MACROD2: variants seen among roughly 807,000 people sequenced by gnomAD.
MACROD2 encodes the protein mono-ADP ribosylhydrolase 2, also known as ADP-ribose glycohydrolase MACROD2.
In MACROD2, 36 loss-of-function variants were observed where a neutral mutation model predicts 70.4. The observed-to-expected ratio is 0.51, with a 90% CI of 0.39 to 0.68. The LOEUF (loss-of-function observed/expected upper bound fraction) is 0.68. MACROD2 is among the 30% of genes least tolerant of loss of function. The pLI is 0.00. For synonymous variants in MACROD2, 172 were observed against 178.8 expected, an observed-to-expected ratio of 0.96 and a Z score of 0.30; for missense variants, 496 against 538.4, an observed-to-expected ratio of 0.92 and a Z score of 0.78.
At chr20:15,816,361 T>A (rs572333661) in intron 8 of MACROD2, among the ~76,000 whole-genome samples, 1 of 152,260 alleles carries the variant, frequency 6.6e-6, no homozygotes, top group South Asian at 2.1e-4. Context: ...TGTACTGGAA[T>A]CAGACTTTTT....
At chr20:15,317,250 A>T (rs2077820990) in intron 6 of MACROD2, among the ~76,000 whole-genome samples, 1 of 152,074 alleles carries the variant, frequency 6.6e-6, no homozygotes, top group East Asian at 1.9e-4. Flanking sequence ...CATCAGAGTA[A>T]ACCTGGAGGA....
At chr20:15,861,961 C>G (rs1027721476) in intron 8 of MACROD2, among the ~76,000 whole-genome samples, 6 of 152,112 alleles carry the variant, frequency 3.9e-5, no homozygotes, top group Non-Finnish European at 8.8e-5. Context: ...TTCCAGGACA[C>G]AAAATTAAGT....
intron 15 of MACROD2, among the ~76,000 whole-genome samples, chr20:16,010,580 A>T (rs2066850029): frequency 6.6e-6 from 1 of 152,220 alleles, no homozygotes; most frequent in Admixed American, 6.5e-5. Flanking sequence ...TTTGGGCTTT[A>T]TCCTCTTTAA....
intron 3 of MACROD2, among the ~76,000 whole-genome samples, chr20:14,263,952 A>G (rs1290698640): frequency 7.0e-6 from 1 of 143,802 alleles, no homozygotes; most frequent in Non-Finnish European, 1.5e-5. Context: ...AGCCTGGGTG[A>G]CAGAGCAAGA....
At chr20:14,444,054 CAATATGATT>C (rs2084156594) in intron 3 of MACROD2, among the ~76,000 whole-genome samples, 2 of 152,056 alleles carry the variant, frequency 1.3e-5, no homozygotes, top group East Asian at 1.9e-4. Context: ...CTAAAAACTA[CAATATGATT>C]AATATGATTT....
At chr20:15,929,209 T>C (rs2065536162) in intron 10 of MACROD2, among the ~76,000 whole-genome samples, 1 of 152,194 alleles carries the variant, frequency 6.6e-6, no homozygotes, top group Non-Finnish European at 1.5e-5. Context: ...TCAAACTTGC[T>C]CCATGTATCT....
intron 7 of MACROD2, among the ~76,000 whole-genome samples, chr20:15,473,470 C>G (rs2046984879): frequency 6.6e-6 from 1 of 152,174 alleles, no homozygotes; most frequent in South Asian, 2.1e-4. Flanking sequence ...GGGTGAATGT[C>G]TGACCCATTT....
chr20:15,256,118 A>C (rs1185260702), intron 6 of MACROD2, among the ~76,000 whole-genome samples: 1 of 152,136 alleles, frequency 6.6e-6, no homozygotes, highest in Non-Finnish European at 1.5e-5. Context: ...GGGAATCTTG[A>C]ATTTATAAAT....
chr20:15,694,609 G>A (rs1330696676), intron 8 of MACROD2, among the ~76,000 whole-genome samples: 1 of 151,820 alleles, frequency 6.6e-6, no homozygotes, highest in Non-Finnish European at 1.5e-5. Flanking sequence ...TGTAGATTCT[G>A]GATATTAGTC....
chr20:14,277,013 C>A (rs915501551), intron 3 of MACROD2, among the ~76,000 whole-genome samples: 12 of 152,166 alleles, frequency 7.9e-5, no homozygotes, highest in Non-Finnish European at 1.5e-4. Context: ...TTTACATACA[C>A]GTGTCAGAAG....
In MACROD2 at chr20:14,732,410, T is replaced by C. The variant is rs531478713; in HGVS notation, c.418+47451T>C. 6.2e-4 allele frequency among the ~76,000 whole-genome samples: 94 copies of C among 152,230 alleles called. 1 individual carries two copies. The highest frequency in any genetic ancestry group is 2.1e-3 in the African/African-American group (88 of 41,548). On this transcript the variant is annotated intron_variant, in intron 5 of 17. Transcript: ENST00000684519. The stretch of plus-strand genomic sequence containing the variant: ...TCAACCTTGAACTGTTGTTTTAGGA[T>C]AGACACCAATAAATATAAGGGGTCC...
chr20:15,684,833 G>A (rs936910904), intron 8 of MACROD2, among the ~76,000 whole-genome samples: 4 of 152,100 alleles, frequency 2.6e-5, no homozygotes, highest in Non-Finnish European at 4.4e-5. Context: ...AATTGAACAT[G>A]CATGTTTATA....
chr20:14,865,517 G>A (rs1406219158), intron 5 of MACROD2, among the ~76,000 whole-genome samples: 1 of 151,674 alleles, frequency 6.6e-6, no homozygotes, highest in South Asian at 2.1e-4. Context: ...AATACCAAAC[G>A]TTTCCTGGAG....
intron 10 of MACROD2, among the ~76,000 whole-genome samples, chr20:15,886,200 C>G (rs1243897675): frequency 6.6e-6 from 1 of 152,150 alleles, no homozygotes; most frequent in Non-Finnish European, 1.5e-5. Flanking sequence ...CAGCTGGAAG[C>G]TGGGACCATC....
chr20:15,849,271 A>C (rs1041958110), intron 8 of MACROD2, among the ~76,000 whole-genome samples: 33 of 152,220 alleles, frequency 2.2e-4, no homozygotes, highest in Non-Finnish European at 4.6e-4. Context: ...CTTTTGAACG[A>C]AAAGATTCTT....
chr20:14,717,204 A>G (rs574842874), intron 5 of MACROD2, among the ~76,000 whole-genome samples: 1 of 152,280 alleles, frequency 6.6e-6, no homozygotes, highest in South Asian at 2.1e-4. Context: ...TATAGAAAAT[A>G]AATTACACTA....
At chr20:14,010,465 C>T (rs1165118759) in intron 2 of MACROD2, among the ~76,000 whole-genome samples, 2 of 152,136 alleles carry the variant, frequency 1.3e-5, no homozygotes, top group African/African-American at 4.8e-5. Context: ...ATTGTAATTT[C>T]TGTCTGACTT....
intron 5 of MACROD2, among the ~76,000 whole-genome samples, chr20:14,703,934 C>T (rs2071237398): frequency 6.6e-6 from 1 of 151,626 alleles, no homozygotes; most frequent in Non-Finnish European, 1.5e-5. Context: ...TACCATATTC[C>T]CCAAACTGGT....
At chr20:14,677,988 G>A (rs1048186628) in intron 4 of MACROD2, among the ~76,000 whole-genome samples, 5 of 152,136 alleles carry the variant, frequency 3.3e-5, no homozygotes, top group Admixed American at 6.6e-5. Flanking sequence ...TATTTGTTAA[G>A]GCAAACTGGT....
Sources: gnomAD v4.1 joint callset for allele counts (sites outside exome capture counted in the v4.1 genomes callset) on GRCh38, gnomAD v4.1.1 for gene constraint, MANE v1.5 for transcripts, NCBI Gene and HGNC (gene_info 2026-07-23, HGNC 2026-07-21) for gene names.